The following PPFIA1 variants were observed in gnomAD, a reference collection of about 807,000 sequenced individuals.
The protein encoded by PPFIA1 is liprin-alpha-1.
Under a neutral mutation model 149.9 loss-of-function variants are expected in PPFIA1, and 25 were observed. That is an observed-to-expected ratio of 0.17 (90% CI 0.12 to 0.23). The LOEUF is 0.23. PPFIA1 is among the 10% of genes least tolerant of loss of function. The pLI, the probability that PPFIA1 is intolerant of heterozygous loss-of-function variation, is 1.00. For synonymous variants in PPFIA1, 549 were observed against 552.8 expected (o/e 0.99, Z 0.10); for missense variants, 1,362 against 1,506.5 (o/e 0.90, Z 1.59).
At chr11:70,356,820 C>T (rs554778568) in intron 19 of PPFIA1, among the ~76,000 whole-genome samples, 33 of 152,304 alleles carry the variant, frequency 2.2e-4, no homozygotes, top group African/African-American at 6.5e-4. Context: ...TTCTCTCTTC[C>T]GTAGATCGGG....
intron 2 of PPFIA1, among the ~76,000 whole-genome samples, chr11:70,292,193 A>G (rs2051582552): frequency 6.6e-6 from 1 of 152,278 alleles, no homozygotes; most frequent in Non-Finnish European, 1.5e-5. Context: ...CATGTTTCCC[A>G]GGCTGTTCTT....
At position 70,324,838 on chromosome 11, in the gene PPFIA1, T is replaced by C. The variant is rs771977390; in HGVS notation, c.367-9T>C. Reference sequence around the variant, plus strand: ...TTTAACAAGTCTTTATTTTGGCCTTTTATTTCAGCTGCTGTTAGAGCATTT... The same window carrying C: ...TTTAACAAGTCTTTATTTTGGCCTTCTATTTCAGCTGCTGTTAGAGCATTT... On this transcript the variant is annotated splice_polypyrimidine_tract_variant and intron_variant, in intron 3 of 27. Coordinates refer to ENST00000253925, the MANE Select transcript of PPFIA1 (RefSeq NM_003626.5). The C allele has an allele frequency of 6.4e-7, 1 of 1,556,942 alleles. No homozygotes were observed. The highest frequency in any genetic ancestry group is 2.3e-5 in the East Asian group (1 of 44,168).
rs1364501986 is a variant in PPFIA1, at chr11:70,378,147, T to G, written c.3502T>G (p.Ser1168Ala). 1 of 1,614,122 alleles carries G rather than the reference T, an allele frequency of 6.2e-7. No individual in the cohort carries two copies. Among genetic ancestry groups the G allele is most frequent in the Non-Finnish European group, 8.5e-7 (1 of 1,180,006 alleles). Residue 1168 changes from serine (S) to alanine (A), a missense_variant, in exon 26 of 28, where the codon TCT becomes GCT. Around this residue, in one of 7 missense-constraint regions of PPFIA1, gnomAD observed 349 missense variants for 373.3 expected, o/e 0.93. Transcript: ENST00000253925. ...ETLPANFRVT[S>A]SMSSPSMQPK... Reference sequence around the variant, plus strand: ...TCTCCCTGCAAACTTCCGGGTGACTTCTTCTATGTCTTCCCCCTCTATGCA... The same window carrying G: ...TCTCCCTGCAAACTTCCGGGTGACTGCTTCTATGTCTTCCCCCTCTATGCA...
chr11:70,368,872 A>T (rs1018173807), intron 21 of PPFIA1, among the ~76,000 whole-genome samples: 8 of 150,958 alleles, frequency 5.3e-5, no homozygotes, highest in Non-Finnish European at 2.9e-5. Context: ...AGTGACTGGG[A>T]TTTCCAGTAC....
chr11:70,382,144 TAA>T lies in PPFIA1; in HGVS notation c.3609_*1del. 1 of 1,613,582 alleles carries T rather than the reference TAA, an allele frequency of 6.2e-7. No homozygotes were observed. The highest frequency in any genetic ancestry group is 8.5e-7 in the Non-Finnish European group (1 of 1,179,716). On this transcript the variant is annotated frameshift_variant and stop_lost, in exon 27 of 28. Coordinates refer to ENST00000253925, the MANE Select transcript of PPFIA1 (RefSeq NM_003626.5). LOFTEE classifies it high-confidence loss of function. ...DSATVRTYSC[*>X] ...TGCTACAGTCAGGACTTACTCCTGC[TAA>T]AGTCTCCTGTTGGTGAGTAGAGAGC...
At chr11:70,336,282 C>G (rs577244329) in intron 11 of PPFIA1, among the ~76,000 whole-genome samples, 59 of 152,252 alleles carry the variant, frequency 3.9e-4, no homozygotes, top group Admixed American at 1.0e-3. Flanking sequence ...GCAGGCAGAT[C>G]ACTTCAGCCA....
chr11:70,345,867 G>A (rs79753279), intron 15 of PPFIA1: 4,860 of 282,306 alleles, frequency 0.017, 264 homozygotes, highest in African/African-American at 0.1. Flanking sequence ...ATGAGTGTGC[G>A]TACATCAGAG....
At chr11:70,271,344 C>T (rs1314004217) in intron 1 of PPFIA1, 4 of 152,634 alleles carry the variant, frequency 2.6e-5, no homozygotes, top group Admixed American at 2.0e-4. Flanking sequence ...GCATCCCCCT[C>T]TCAGGGGTCC....
intron 2 of PPFIA1, among the ~76,000 whole-genome samples, chr11:70,314,971 A>G (rs1376344772): frequency 6.6e-6 from 1 of 152,178 alleles, no homozygotes; most frequent in African/African-American, 2.4e-5. Context: ...GACGGAGTGC[A>G]TGCAAGCAGG....
chr11:70,348,450 T>C (rs1190956707), intron 16 of PPFIA1, 30 bp downstream of exon 16: 1 of 1,505,406 alleles, frequency 6.6e-7, no homozygotes, highest in Non-Finnish European at 9.2e-7. Flanking sequence ...CTGCTGTGGC[T>C]GCCCTCAGCA....
At chr11:70,311,761 G>A (rs2053298909) in intron 2 of PPFIA1, among the ~76,000 whole-genome samples, 1 of 151,158 alleles carries the variant, frequency 6.6e-6, no homozygotes, top group Non-Finnish European at 1.5e-5. Flanking sequence ...TAAACCAAGA[G>A]GAATAATAAC....
rs917771500 is a variant in PPFIA1 at position 70,326,580 on chromosome 11, T to C, written c.709-17T>C. Reference sequence around the variant, plus strand: ...ACCAAACAAGGGTATTTAAGGATTTTTTTTTCCCCCTATCAGAGATCTTCT... The same window carrying C: ...ACCAAACAAGGGTATTTAAGGATTTCTTTTTCCCCCTATCAGAGATCTTCT... On this transcript the variant is annotated splice_polypyrimidine_tract_variant and intron_variant, in intron 6 of 27. Coordinates refer to ENST00000253925, the MANE Select transcript of PPFIA1 (RefSeq NM_003626.5). 5 of 1,583,658 alleles carry C rather than the reference T, an allele frequency of 3.2e-6. No individual in the cohort carries two copies. The African/African-American group carries it at 6.8e-5, about 22-fold the overall frequency.
At chr11:70,291,250 T>C (rs1305551325) in intron 2 of PPFIA1, among the ~76,000 whole-genome samples, 1 of 152,164 alleles carries the variant, frequency 6.6e-6, no homozygotes, top group African/African-American at 2.4e-5. Context: ...TAAAAATAAT[T>C]TGTGGGGGAA....
At chr11:70,371,080 C>G (rs1160384141) in intron 21 of PPFIA1, among the ~76,000 whole-genome samples, 1 of 152,116 alleles carries the variant, frequency 6.6e-6, no homozygotes, top group African/African-American at 2.4e-5. Flanking sequence ...TGCAGTGATC[C>G]GAGGTCGCGC....
intron 26 of PPFIA1, among the ~76,000 whole-genome samples, chr11:70,380,350 G>A (rs1361917864): frequency 4.0e-5 from 6 of 151,780 alleles, no homozygotes; most frequent in Middle Eastern, 3.4e-3. Flanking sequence ...GGAGGATCAC[G>A]AGGTCAGGAG....
At chr11:70,283,992 A>G (rs1480700900) in intron 2 of PPFIA1, 8 of 534,010 alleles carry the variant, frequency 1.5e-5, no homozygotes, top group African/African-American at 1.3e-4. Context: ...GTGCAAAAGT[A>G]CTTGCGGATT....
chr11:70,376,251 A>C (rs2057486495), intron 24 of PPFIA1, among the ~76,000 whole-genome samples: 1 of 152,178 alleles, frequency 6.6e-6, no homozygotes, highest in Non-Finnish European at 1.5e-5. Flanking sequence ...GGCCTCCCAA[A>C]GTACTGGGAT....
At chr11:70,376,722 G>A in intron 25 of PPFIA1, 122 bp downstream of exon 25, 2 of 878,868 alleles carry the variant, frequency 2.3e-6, no homozygotes, top group Non-Finnish European at 3.7e-6. Context: ...CAGTCTCTCT[G>A]GATGTTAGAA....
At chr11:70,351,776 T>G in intron 16 of PPFIA1, among the ~76,000 whole-genome samples, 1 of 152,220 alleles carries the variant, frequency 6.6e-6, no homozygotes, top group East Asian at 1.9e-4. Flanking sequence ...AGTGCAGATT[T>G]GAGTTCAGAT....
Sources: gnomAD v4.1 joint callset for allele counts (sites outside exome capture counted in the v4.1 genomes callset) on GRCh38, gnomAD v4.1.1 for gene constraint, gnomAD v4.1.1 regional missense constraint, MANE v1.5 for transcripts, NCBI Gene and HGNC (gene_info 2026-07-23, HGNC 2026-07-21) for gene names.